Variants in ANKRD28 observed in about 807,000 individuals in gnomAD.
ANKRD28 encodes ankyrin repeat domain 28, also known as serine/threonine-protein phosphatase 6 regulatory ankyrin repeat subunit A.
Under a neutral mutation model 126.5 loss-of-function variants are expected in ANKRD28, and 44 were observed. The observed-to-expected ratio is 0.35, with a 90% CI of 0.27 to 0.45. The LOEUF is 0.45. Ranked by LOEUF, ANKRD28 falls within the 20% of genes least tolerant of loss-of-function variation. The pLI is 1.00. For missense variants in ANKRD28, 1,110 were observed against 1,316.6 expected, an observed-to-expected ratio of 0.84 and a Z score of 2.43; for synonymous variants, 442 against 468.5, an observed-to-expected ratio of 0.94 and a Z score of 0.73.
chr3:15,756,533 A>T lies in ANKRD28; in HGVS notation c.281-4713T>A, dbSNP rs9821579. 5.4e-3 allele frequency: 5,344 copies of T among 985,214 alleles called. 224 individuals carry two copies. The African/African-American group carries it at 0.084, about 15-fold the overall frequency. The allele number at this position is 985,214 out of a possible 1,614,324, so 61.0% of individuals were successfully genotyped here. A position where few individuals can be genotyped will look rare whatever the true frequency, so the allele number is the denominator to read the frequency against. On this transcript the variant is annotated intron_variant, in intron 3 of 27. Transcript: ENST00000683139. ...AGCAATGCAGCTGAAGAGAGGTCTA[A>T]CGTTGTGAAGACACAGTCATGGGTT...
intron 3 of ANKRD28, among the ~76,000 whole-genome samples, chr3:15,761,607 T>C (rs34842659): frequency 6.6e-6 from 1 of 152,182 alleles, no homozygotes; most frequent in South Asian, 2.1e-4. Context: ...CTATATATTG[T>C]CTGAAGACTA....
At chr3:15,760,606 G>A (rs1449951603) in intron 3 of ANKRD28, among the ~76,000 whole-genome samples, 1 of 152,174 alleles carries the variant, frequency 6.6e-6, no homozygotes, top group Admixed American at 6.5e-5. Context: ...ATGAATTCAT[G>A]AGCTACTCTA....
chr3:15,836,945 A>T (rs1299555068), intron 1 of ANKRD28, among the ~76,000 whole-genome samples: 1 of 151,836 alleles, frequency 6.6e-6, no homozygotes, highest in Non-Finnish European at 1.5e-5. Context: ...CTAAAAATAC[A>T]AAAAATTAGC....
chr3:15,751,883 T>C (rs1259495446), intron 3 of ANKRD28, 63 bp from the exon 4 acceptor site: 7 of 1,126,864 alleles, frequency 6.2e-6, no homozygotes, highest in Non-Finnish European at 9.0e-6. Context: ...ATAAATCTCC[T>C]GAAATAGTAG....
rs781455452 is a variant in ANKRD28, at chr3:15,708,034, G to A, written c.1437C>T (p.Cys479=). The A allele has an allele frequency of 1.4e-5, 23 of 1,608,566 alleles. No homozygotes were observed. The African/African-American group carries it at 2.5e-4, about 18-fold the overall frequency. Reference sequence around the variant, plus strand: ...CAAGAGCAAACAGGCACTGGTAATTGCAGTTGGCAGCAGCGTAGTGCAGTG... The same window carrying A: ...CAAGAGCAAACAGGCACTGGTAATTACAGTTGGCAGCAGCGTAGTGCAGTG... ...RSPLHYAAAN[C]NYQCLFALVG... Residue 479 remains cysteine (C), a synonymous_variant, in exon 14 of 28, where the codon TGC becomes TGT. Transcript: ENST00000683139.
intron 4 of ANKRD28, among the ~76,000 whole-genome samples, chr3:15,745,314 C>T (rs1486297130): frequency 2.0e-5 from 3 of 152,232 alleles, no homozygotes; most frequent in African/African-American, 7.2e-5. Context: ...AGGGTTTTTT[C>T]TGATGTTATC....
chr3:15,849,459 G>C lies in ANKRD28; in HGVS notation c.27+9918C>G, dbSNP rs546206536. Among the ~76,000 whole-genome samples the C allele has an allele frequency of 3.9e-5, 6 of 152,272 alleles. No homozygotes were observed. The South Asian group carries it at 1.2e-3, about 32-fold the overall frequency. On this transcript the variant is annotated intron_variant, in intron 1 of 27. Coordinates refer to the ANKRD28 transcript ENST00000399451. ...GTCAGATTGGTATAGTGATTATTTT[G>C]AGTTGAAAACATTAGAGAAATTGTA...
chr3:15,743,434 CT>C (rs1323210513), intron 4 of ANKRD28, among the ~76,000 whole-genome samples: 1 of 152,052 alleles, frequency 6.6e-6, no homozygotes, highest in Admixed American at 6.5e-5. Flanking sequence ...CACACAATAT[CT>C]CATGTGATAA....
rs112504007 is a variant in ANKRD28 at position 15,815,431 on chromosome 3, C to T, written c.28-20125G>A. On this transcript the variant is annotated intron_variant, in intron 1 of 27. Transcript: ENST00000399451. The surrounding 1 kb of genome is among the most constrained non-coding windows in gnomAD (Gnocchi z 4.1). ...CCCACCTCAGCCTCCTCAGTAGCTG[C>T]GACCACAGGCATGCATAACCTCACC... Among the ~76,000 whole-genome samples the T allele has an allele frequency of 0.057, 8,745 of 152,134 alleles. 720 individuals are homozygous for T. The highest frequency in any genetic ancestry group is 0.18 in the African/African-American group (7,601 of 41,476).
rs934758121 is a variant in ANKRD28, at chr3:15,839,717, T to C, written c.27+19660A>G. ...TCATTCATCATGACCAAGTGGGACT[T>C]ATCCCCCGAGGGATGCAAGGATGGT... On this transcript the variant is annotated intron_variant, in intron 1 of 27. Coordinates refer to the ANKRD28 transcript ENST00000399451. This position sits in a 1 kb window ranked among gnomAD's most constrained non-coding sequence, Gnocchi z 4.3. 6.6e-6 allele frequency among the ~76,000 whole-genome samples: 1 copy of C among 152,178 alleles called. No homozygotes were observed. The highest frequency in any genetic ancestry group is 1.9e-4 in the East Asian group (1 of 5,198).
chr3:15,689,675 T>C (rs2068560942), intron 18 of ANKRD28, among the ~76,000 whole-genome samples: 1 of 152,184 alleles, frequency 6.6e-6, no homozygotes, highest in Admixed American at 6.5e-5. Flanking sequence ...AGTTAATAAA[T>C]CTATTTTTAT....
intron 1 of ANKRD28, among the ~76,000 whole-genome samples, chr3:15,834,627 G>T (rs1308732671): frequency 6.6e-6 from 1 of 152,068 alleles, no homozygotes; most frequent in East Asian, 1.9e-4. Context: ...ACAGAATCTG[G>T]CAAGACTGGA....
chr3:15,709,706 A>G lies in ANKRD28; in HGVS notation c.1368T>C (p.Asn456=), dbSNP rs1278164753. The change falls in exon 13 of 28, where the codon AAT becomes AAC. Residue 456 remains asparagine, a synonymous_variant. Coordinates refer to ENST00000683139, the MANE Select transcript of ANKRD28 (RefSeq NM_001349278.2). ...GNLECLNLLL[N]TGADFNKKDK... is the part of the protein sequence containing the mutation. Reference sequence around the variant, plus strand: ...CCTTTTTATTAAAGTCTGCACCAGTATTCAGCAGAAGGTTTAGGCACTCCA... The same window carrying G: ...CCTTTTTATTAAAGTCTGCACCAGTGTTCAGCAGAAGGTTTAGGCACTCCA... 1 of 1,582,638 alleles carries G rather than the reference A, an allele frequency of 6.3e-7. No homozygotes were observed. The highest frequency in any genetic ancestry group is 1.2e-5 in the South Asian group (1 of 86,190).
At chr3:15,673,087 C>G (rs997049832) in intron 27 of ANKRD28, among the ~76,000 whole-genome samples, 4 of 152,174 alleles carry the variant, frequency 2.6e-5, no homozygotes, top group African/African-American at 9.7e-5. Flanking sequence ...AGTTTTATCT[C>G]TTAACATGCC....
intron 14 of ANKRD28, among the ~76,000 whole-genome samples, chr3:15,696,859 CA>C (rs771607947): frequency 1.3e-5 from 2 of 151,944 alleles, no homozygotes; most frequent in Non-Finnish European, 2.9e-5. Context: ...TATGTAAAAC[CA>C]CTATGGAAAA....
At position 15,668,381 on chromosome 3, in the gene ANKRD28, T is replaced by C. The variant is rs980712858; in HGVS notation, c.*1889A>G. Reference sequence around the variant, plus strand: ...TTTTTTTTTTTTTCAAAAGGTACAATAGAAAATGTAGTCCACTGTCATTAA... The same window carrying C: ...TTTTTTTTTTTTTCAAAAGGTACAACAGAAAATGTAGTCCACTGTCATTAA... On this transcript the variant is annotated 3_prime_UTR_variant, in exon 28 of 28. Transcript: ENST00000683139. 4 of 151,596 alleles carry C rather than the reference T, an allele frequency of 2.6e-5. No individual in the cohort carries two copies. Among genetic ancestry groups the C allele is most frequent in the African/African-American group, 4.9e-5 (2 of 41,130 alleles). The allele number at this position is 151,596 out of a possible 1,614,324, so 9.4% of individuals were successfully genotyped here.
chr3:15,800,162 A>G (rs2060435505), upstream of ANKRD28, among the ~76,000 whole-genome samples: 4 of 152,210 alleles, frequency 2.6e-5, no homozygotes, highest in Middle Eastern at 3.4e-3. Context: ...TGGACAAACC[A>G]CTTAAATTCC....
chr3:15,695,268 TAA>T, intron 15 of ANKRD28, 54 bp from the exon 16 acceptor site: 2 of 1,317,960 alleles, frequency 1.5e-6, no homozygotes, highest in South Asian at 1.3e-5. Context: ...TCATCTATAT[TAA>T]GTCTCAACTT....
In ANKRD28 at chr3:15,784,903, A is replaced by G. The variant is rs73040243; in HGVS notation, c.201+10320T>C. Among the ~76,000 whole-genome samples the G allele has an allele frequency of 5.8e-3, 881 of 152,184 alleles. 7 individuals are homozygous for G. The highest frequency in any genetic ancestry group is 9.5e-3 in the Non-Finnish European group (644 of 67,940). The stretch of plus-strand genomic sequence containing the variant: ...ATTCCACTGGCAGAATCTGTCCAAT[A>G]TAACTATTTTGGAACTCTGTCATAT... On this transcript the variant is annotated intron_variant, in intron 2 of 27. Transcript: ENST00000683139.
Sources: gnomAD v4.1 joint callset for allele counts (sites outside exome capture counted in the v4.1 genomes callset) on GRCh38, gnomAD v4.1.1 for gene constraint, Gnocchi (gnomAD v3.1) non-coding constraint, MANE v1.5 for transcripts, NCBI Gene and HGNC (gene_info 2026-07-23, HGNC 2026-07-21) for gene names.